GAS7: variants seen among roughly 807,000 people sequenced by gnomAD.
The protein encoded by GAS7 is growth arrest-specific protein 7.
GAS7 carries 28 observed loss-of-function variants against 71.1 expected under a neutral mutation model. The ratio of observed to expected loss-of-function variants is 0.39; its 90% CI spans 0.29 to 0.54. The LOEUF (loss-of-function observed/expected upper bound fraction) is 0.54, where lower values mean the gene tolerates loss of function less well. Among genes scored for constraint, GAS7 ranks in the 20% least tolerant of loss-of-function variants. The pLI is 0.62. For synonymous variants in GAS7, 258 were observed against 245.8 expected, an observed-to-expected ratio of 1.05 and a Z score of -0.46; for missense variants, 436 against 627.8, an observed-to-expected ratio of 0.69 and a Z score of 3.27.
chr17:10,062,006 C>T lies in GAS7; in HGVS notation c.184-42109G>A, dbSNP rs570686329. ...CCCACAACAAAACAACCATCCAACCCGAAATGTCAACAGTAACATGGCCGA... is the reference window on the plus strand; with the variant it reads ...CCCACAACAAAACAACCATCCAACCTGAAATGTCAACAGTAACATGGCCGA... On this transcript the variant is annotated intron_variant, in intron 1 of 13. Transcript: ENST00000432992. Among the ~76,000 whole-genome samples, 20 of 152,258 alleles carry T rather than the reference C, an allele frequency of 1.3e-4. No individual in the cohort carries two copies. In the South Asian group the frequency reaches 3.7e-3, roughly 28 times the overall value.
intron 2 of GAS7, among the ~76,000 whole-genome samples, chr17:9,986,858 T>G (rs921851804): frequency 1.3e-5 from 2 of 152,178 alleles, no homozygotes; most frequent in African/African-American, 4.8e-5. Context: ...AAAGACACTG[T>G]GAGCCTGGGG....
At chr17:9,940,040 A>G (rs2068545512) in intron 8 of GAS7, 86 bp downstream of exon 8, 1 of 838,278 alleles carries the variant, frequency 1.2e-6, no homozygotes, top group South Asian at 1.3e-5. Flanking sequence ...AAGTGGGGCC[A>G]TGCCAGTGAT....
chr17:10,037,490 C>T lies in GAS7; in HGVS notation c.184-17593G>A, dbSNP rs7224207. On this transcript the variant is annotated intron_variant, in intron 1 of 13. Coordinates refer to ENST00000432992, the MANE Select transcript of GAS7 (RefSeq NM_201433.2). ...CTAGAGAAACCAAGATCCTGAGGAC[C>T]GAGTGGTTCCCTATTAAGCAAATGG... is the stretch of plus-strand genomic sequence containing the variant. 4.3e-3 allele frequency among the ~76,000 whole-genome samples: 642 copies of T among 150,316 alleles called. 7 individuals are homozygous for T. The highest frequency in any genetic ancestry group is 0.015 in the African/African-American group (616 of 41,274).
chr17:10,183,698 C>T lies in GAS7; in HGVS notation c.183+14510G>A, dbSNP rs145297450. Among the ~76,000 whole-genome samples, 738 of 152,254 alleles carry T rather than the reference C, an allele frequency of 4.8e-3. 8 individuals carry two copies. Among genetic ancestry groups the T allele is most frequent in the African/African-American group, 0.017 (696 of 41,558 alleles). ...ACTAAACAAAATACAAAAAATTAGC[C>T]GGGCGTGGTGGCGGGTGCCTGTAGT... is the stretch of plus-strand genomic sequence containing the variant. On this transcript the variant is annotated intron_variant, in intron 1 of 13. Transcript: ENST00000432992.
At chr17:10,179,950 G>C (rs1436494096) in intron 1 of GAS7, among the ~76,000 whole-genome samples, 1 of 152,160 alleles carries the variant, frequency 6.6e-6, no homozygotes, top group Admixed American at 6.5e-5. Flanking sequence ...ACTGAGAACT[G>C]GTGTCAAGCT....
chr17:9,959,552 C>T lies in GAS7; in HGVS notation c.472-297G>A. The T allele has an allele frequency of 1.2e-6, 1 of 860,176 alleles. No individual in the cohort carries two copies. The highest frequency in any genetic ancestry group is 1.6e-6 in the Non-Finnish European group (1 of 625,110). The allele number at this position is 860,176 out of a possible 1,614,324, so 53.3% of individuals were successfully genotyped here. A position where few individuals can be genotyped will look rare whatever the true frequency, so the allele number is the denominator to read the frequency against. ...CAGTCTGTGATTTGGGGAGTTAACCCCTCCGCTGCCCTCTGCTGGTGAACG... is the reference window on the plus strand; with the variant it reads ...CAGTCTGTGATTTGGGGAGTTAACCTCTCCGCTGCCCTCTGCTGGTGAACG... On this transcript the variant is annotated intron_variant, in intron 4 of 13. Coordinates refer to ENST00000432992, the MANE Select transcript of GAS7 (RefSeq NM_201433.2). The surrounding 1 kb of genome is among the most constrained non-coding windows in gnomAD (Gnocchi z 5.0).
At chr17:10,142,366 T>C (rs1298065919) in intron 1 of GAS7, among the ~76,000 whole-genome samples, 1 of 152,110 alleles carries the variant, frequency 6.6e-6, no homozygotes, top group Non-Finnish European at 1.5e-5. Context: ...ATTAAAGGTT[T>C]TGTTTGTTTG....
At chr17:10,089,956 C>T (rs1043322699) in intron 1 of GAS7, among the ~76,000 whole-genome samples, 1 of 152,040 alleles carries the variant, frequency 6.6e-6, no homozygotes, top group African/African-American at 2.4e-5. Flanking sequence ...TCACTTGAGG[C>T]CGGGAGTTCG....
At chr17:9,954,452 C>G (rs1256689687) in intron 5 of GAS7, among the ~76,000 whole-genome samples, 1 of 89,574 alleles carries the variant, frequency 1.1e-5, no homozygotes, top group Non-Finnish European at 2.2e-5. Context: ...GCCATCAGGG[C>G]AGTCTGCAGT....
intron 1 of GAS7, among the ~76,000 whole-genome samples, chr17:10,085,496 ACACGGTGAAAC>A (rs2073507651): frequency 6.6e-6 from 1 of 152,142 alleles, no homozygotes; most frequent in Non-Finnish European, 1.5e-5. Context: ...ATCCTGGCTA[ACACGGTGAAAC>A]CCCGTCTCTA....
At chr17:10,006,776 T>C (rs936793626) in intron 2 of GAS7, among the ~76,000 whole-genome samples, 41 of 152,306 alleles carry the variant, frequency 2.7e-4, no homozygotes, top group Non-Finnish European at 1.3e-4. Context: ...TTACATCCTC[T>C]TATACAGACA....
At chr17:10,030,900 G>T (rs367563071) in intron 1 of GAS7, among the ~76,000 whole-genome samples, 4 of 152,080 alleles carry the variant, frequency 2.6e-5, no homozygotes, top group South Asian at 2.1e-4. Flanking sequence ...AAAGTGACTC[G>T]CTTGGGCTCC....
At chr17:9,957,084 G>C (rs1240385529) in intron 5 of GAS7, among the ~76,000 whole-genome samples, 1 of 152,036 alleles carries the variant, frequency 6.6e-6, no homozygotes, top group Non-Finnish European at 1.5e-5. Flanking sequence ...CACTTGTTTT[G>C]TGACCTCTGG....
At chr17:10,190,563 G>C (rs1296588746) in intron 1 of GAS7, among the ~76,000 whole-genome samples, 11 of 148,128 alleles carry the variant, frequency 7.4e-5, no homozygotes, top group Admixed American at 2.0e-4. Context: ...CTGAGCGACA[G>C]AGCAAGACTC....
At chr17:9,917,435 T>A in intron 13 of GAS7, 94 bp from the exon 14 acceptor site, 1 of 878,262 alleles carries the variant, frequency 1.1e-6, no homozygotes, top group Non-Finnish European at 1.9e-6. Context: ...TTAGTGTCTC[T>A]GAGAGCAGCC....
At chr17:9,954,291 T>G (rs568408771) in intron 5 of GAS7, among the ~76,000 whole-genome samples, 4 of 152,240 alleles carry the variant, frequency 2.6e-5, no homozygotes, top group African/African-American at 9.6e-5. Context: ...GAGGGGGTCT[T>G]GCAGGGGTGC....
chr17:10,192,251 C>G (rs571556591), intron 1 of GAS7, among the ~76,000 whole-genome samples: 1 of 152,180 alleles, frequency 6.6e-6, no homozygotes, highest in Non-Finnish European at 1.5e-5. Context: ...TGCAGGGAGA[C>G]AGAGAAATAT....
chr17:9,951,610 G>C (rs938824527), intron 5 of GAS7, among the ~76,000 whole-genome samples: 4 of 152,066 alleles, frequency 2.6e-5, no homozygotes, highest in African/African-American at 9.7e-5. Flanking sequence ...TACAAAATTA[G>C]CCAGGCTTGG....
At chr17:10,190,456 G>A (rs2142153614) in intron 1 of GAS7, among the ~76,000 whole-genome samples, 1 of 151,884 alleles carries the variant, frequency 6.6e-6, no homozygotes, top group South Asian at 2.1e-4. Context: ...GGTGGTGCGT[G>A]CCTGTAATAG....
Sources: allele counts gnomAD v4.1 joint callset (sites outside exome capture counted in the v4.1 genomes callset), GRCh38; gene constraint gnomAD v4.1.1; non-coding constraint Gnocchi (gnomAD v3.1); transcripts MANE v1.5; gene names NCBI Gene and HGNC (gene_info 2026-07-23, HGNC 2026-07-21).